Variants in MGAT4C observed in about 807,000 individuals in gnomAD.
MGAT4C encodes the protein MGAT4 family member C.
In MGAT4C, 19 loss-of-function variants were observed where a neutral mutation model predicts 40.1. The ratio of observed to expected loss-of-function variants is 0.47; its 90% CI spans 0.33 to 0.70. MGAT4C has a LOEUF of 0.70. MGAT4C is among the 30% of genes least tolerant of loss of function. The probability of loss-of-function intolerance (pLI) is 0.02; values close to 1 mark genes in which losing one functional copy is unlikely to be tolerated. For synonymous variants in MGAT4C, 181 were observed against 187.1 expected, an observed-to-expected ratio of 0.97 and a Z score of 0.27; for missense variants, 491 against 563.2, an observed-to-expected ratio of 0.87 and a Z score of 1.30.
At chr12:86,623,293 G>A (rs1407302991) in intron 2 of MGAT4C, among the ~76,000 whole-genome samples, 1 of 152,090 alleles carries the variant, frequency 6.6e-6, no homozygotes, top group African/African-American at 2.4e-5. Context: ...GCTATGCAAT[G>A]TCTTTGTTTA....
chr12:86,060,634 G>A (rs377752740), intron 1 of MGAT4C, among the ~76,000 whole-genome samples: 1 of 152,134 alleles, frequency 6.6e-6, no homozygotes, highest in Non-Finnish European at 1.5e-5. Flanking sequence ...ATTTGCAGCT[G>A]TTAAAATCTA....
chr12:86,022,833 A>G (rs1316186618), intron 2 of MGAT4C, among the ~76,000 whole-genome samples: 1 of 152,200 alleles, frequency 6.6e-6, no homozygotes, highest in Non-Finnish European at 1.5e-5. Flanking sequence ...ACAGGTTATA[A>G]TAGAAACATA....
intron 1 of MGAT4C, among the ~76,000 whole-genome samples, chr12:86,784,668 G>T (rs1487098591): frequency 7.4e-6 from 1 of 134,960 alleles, no homozygotes. Context: ...GTAGGTAAAA[G>T]AAAAAAAAAA....
chr12:86,278,857 C>A (rs780027734), intron 4 of MGAT4C, among the ~76,000 whole-genome samples: 2 of 150,706 alleles, frequency 1.3e-5, no homozygotes, highest in Non-Finnish European at 3.0e-5. Context: ...CCTTCTATAC[C>A]CAGTTTTTGT....
intron 2 of MGAT4C, among the ~76,000 whole-genome samples, chr12:86,487,762 C>A (rs971031779): frequency 1.3e-5 from 2 of 152,110 alleles, no homozygotes; most frequent in Admixed American, 1.3e-4. Context: ...ACTATTCTTT[C>A]CTGAAAGTTT....
At chr12:86,811,769 C>T (rs1049686688) in intron 1 of MGAT4C, among the ~76,000 whole-genome samples, 1 of 151,226 alleles carries the variant, frequency 6.6e-6, no homozygotes, top group African/African-American at 2.4e-5. Flanking sequence ...TTTGAAGAAC[C>T]AGTGTTCATC....
intron 3 of MGAT4C, among the ~76,000 whole-genome samples, chr12:86,362,690 T>A (rs1018354451): frequency 1.3e-5 from 2 of 151,334 alleles, no homozygotes; most frequent in African/African-American, 2.4e-5. Flanking sequence ...AGTGAAACCC[T>A]GTCTCTACTA....
Position 85,977,907 on chromosome 12 carries a change from A to G in MGAT4C, c.*1382T>C, listed in dbSNP as rs1281702992. On this transcript the variant is annotated 3_prime_UTR_variant, in exon 5 of 5. Transcript: ENST00000611864. The stretch of plus-strand genomic sequence containing the variant: ...GCACCTTCCATTTCCCTTTATAATA[A>G]ATCCCTTAGTTTTTGCTGTTCATTA... 2 of 150,976 alleles carry G rather than the reference A, an allele frequency of 1.3e-5. No individual in the cohort carries two copies. The highest frequency in any genetic ancestry group is 3.0e-5 in the Non-Finnish European group (2 of 67,502). 9.4% of individuals were successfully genotyped at this position (150,976 alleles called of 1,614,324 possible). A position where few individuals can be genotyped will look rare whatever the true frequency, so the allele number is the denominator to read the frequency against.
At chr12:86,477,343 T>C (rs1312941299) in intron 2 of MGAT4C, among the ~76,000 whole-genome samples, 1 of 151,956 alleles carries the variant, frequency 6.6e-6, no homozygotes, top group Non-Finnish European at 1.5e-5. Context: ...TTCTCACTTA[T>C]AAGTGGGAGC....
At chr12:86,295,376 G>T (rs1038461210) in intron 4 of MGAT4C, among the ~76,000 whole-genome samples, 7 of 152,142 alleles carry the variant, frequency 4.6e-5, no homozygotes, top group African/African-American at 1.7e-4. Context: ...GACCCTCGCG[G>T]TGAGTGTTAC....
chr12:86,447,975 C>A (rs758848506), intron 2 of MGAT4C, among the ~76,000 whole-genome samples: 1 of 152,112 alleles, frequency 6.6e-6, no homozygotes, highest in Non-Finnish European at 1.5e-5. Context: ...ATGTTTGAGA[C>A]CTTTTGCTGC....
At chr12:86,175,825 G>T (rs1433250046) in intron 1 of MGAT4C, among the ~76,000 whole-genome samples, 1 of 137,288 alleles carries the variant, frequency 7.3e-6, no homozygotes, top group Non-Finnish European at 1.6e-5. Flanking sequence ...AAAAAAATTA[G>T]CCTGGCGTGG....
intron 2 of MGAT4C, among the ~76,000 whole-genome samples, chr12:86,560,939 T>C (rs989851473): frequency 3.3e-5 from 5 of 152,222 alleles, no homozygotes; most frequent in Middle Eastern, 3.4e-3. Context: ...AATGGATCAG[T>C]GAATACAGTA....
chr12:86,408,448 ACT>A (rs1174416641), intron 3 of MGAT4C, among the ~76,000 whole-genome samples: 364 of 29,304 alleles, frequency 0.012, 2 homozygotes, highest in Admixed American at 0.017. Flanking sequence ...TACATAGTAA[ACT>A]CTCTCTCTCT....
chr12:86,371,334 T>C (rs1203673531), intron 3 of MGAT4C, among the ~76,000 whole-genome samples: 1 of 152,022 alleles, frequency 6.6e-6, no homozygotes, highest in Non-Finnish European at 1.5e-5. Flanking sequence ...ACTTAAACTT[T>C]TGTAATTACT....
chr12:86,054,945 G>A (rs962068852), intron 1 of MGAT4C, among the ~76,000 whole-genome samples: 1 of 151,886 alleles, frequency 6.6e-6, no homozygotes, highest in Admixed American at 6.6e-5. Context: ...CCTTGAAACG[G>A]TTTCCCTTTT....
chr12:86,067,923 C>A (rs536236471), intron 1 of MGAT4C, among the ~76,000 whole-genome samples: 43 of 152,204 alleles, frequency 2.8e-4, no homozygotes, highest in African/African-American at 1.0e-3. Context: ...GAGGTGTTAT[C>A]TCGTCATCAC....
chr12:86,675,899 AC>A (rs1423897522), intron 2 of MGAT4C, among the ~76,000 whole-genome samples: 1 of 151,854 alleles, frequency 6.6e-6, no homozygotes, highest in Admixed American at 6.6e-5. Context: ...AGTCACCCTA[AC>A]CAGTCTATCA....
At chr12:86,565,559 A>G (rs560588830) in intron 2 of MGAT4C, among the ~76,000 whole-genome samples, 14 of 152,274 alleles carry the variant, frequency 9.2e-5, no homozygotes, top group Admixed American at 9.2e-4. Context: ...ATGGATGGAG[A>G]AATGGCCAGA....
Sources: gnomAD v4.1 joint callset for allele counts (sites outside exome capture counted in the v4.1 genomes callset) on GRCh38, gnomAD v4.1.1 for gene constraint, MANE v1.5 for transcripts, NCBI Gene and HGNC (gene_info 2026-07-23, HGNC 2026-07-21) for gene names.